The following PALD1 variants were observed in gnomAD, a reference collection of about 807,000 sequenced individuals.
PALD1 encodes paladin.
PALD1 carries 57 observed loss-of-function variants against 96.0 expected under a neutral mutation model. The ratio of observed to expected loss-of-function variants is 0.59; its 90% CI spans 0.48 to 0.74. The LOEUF (loss-of-function observed/expected upper bound fraction) is 0.74, where lower values mean the gene tolerates loss of function less well. Among genes scored for constraint, PALD1 ranks in the 30% least tolerant of loss-of-function variants. PALD1 has a pLI of 0.00. For synonymous variants in PALD1, 464 were observed against 473.6 expected (o/e 0.98, Z 0.26); for missense variants, 1,063 against 1,143.7 (o/e 0.93, Z 1.02).
chr10:70,514,102 A>G (rs531143054), intron 1 of PALD1, among the ~76,000 whole-genome samples: 2 of 152,332 alleles, frequency 1.3e-5, no homozygotes, highest in South Asian at 4.1e-4. Context: ...GCTGGCCTCC[A>G]TGTGCCACAG....
intron 10 of PALD1, 83 bp from the exon 11 acceptor site, chr10:70,537,728 C>A: frequency 2.2e-6 from 2 of 901,100 alleles, no homozygotes; most frequent in South Asian, 1.4e-5. Flanking sequence ...AGTTCCAAGG[C>A]TTAACTCCTG....
chr10:70,473,935 G>A (rs1845792310), upstream of PALD1, among the ~76,000 whole-genome samples: 1 of 152,122 alleles, frequency 6.6e-6, no homozygotes, highest in Non-Finnish European at 1.5e-5. Context: ...TTACAGGTGT[G>A]AGCCACAGTA....
intron 10 of PALD1, 45 bp downstream of exon 10, chr10:70,534,888 CCT>C (rs1378932875): frequency 2.4e-6 from 3 of 1,273,192 alleles, no homozygotes; most frequent in African/African-American, 2.9e-5. Context: ...CTCTGTGAGC[CCT>C]GCAGCCTGAT....
intron 1 of PALD1, among the ~76,000 whole-genome samples, chr10:70,482,514 G>A (rs10999348): frequency 0.06 from 9,115 of 152,198 alleles, 980 homozygotes; most frequent in East Asian, 0.5. Context: ...TTTGTCTTCC[G>A]AGGCCTTTGG....
intron 17 of PALD1, among the ~76,000 whole-genome samples, chr10:70,546,378 G>A (rs1025796501): frequency 4.6e-5 from 7 of 152,184 alleles, no homozygotes; most frequent in African/African-American, 1.7e-4. Context: ...CATTTAATAT[G>A]TCTTGAACAT....
chr10:70,463,232 A>G, the PALD1 span, among the ~76,000 whole-genome samples: 84 of 152,236 alleles, frequency 5.5e-4, no homozygotes, highest in South Asian at 0.01. Flanking sequence ...GTGAAAACCC[A>G]TCTCTACTAA....
chr10:70,552,725 C>G (rs1306723690), intron 18 of PALD1, among the ~76,000 whole-genome samples: 1 of 152,206 alleles, frequency 6.6e-6, no homozygotes, highest in Non-Finnish European at 1.5e-5. Context: ...ATGATTGCCT[C>G]TTAAACAATG....
chr10:70,480,090 T>A (rs1263917580), intron 1 of PALD1, among the ~76,000 whole-genome samples: 1 of 152,226 alleles, frequency 6.6e-6, no homozygotes, highest in African/African-American at 2.4e-5. Flanking sequence ...GCAAATGTGC[T>A]GAAATGTTCC....
At chr10:70,506,708 T>G (rs1484264934) in intron 1 of PALD1, among the ~76,000 whole-genome samples, 1 of 152,144 alleles carries the variant, frequency 6.6e-6, no homozygotes, top group African/African-American at 2.4e-5. Context: ...TGCCCCATTT[T>G]ACTTGCCCCT....
the PALD1 span, among the ~76,000 whole-genome samples, chr10:70,463,609 C>T: frequency 6.6e-6 from 1 of 152,074 alleles, no homozygotes; most frequent in African/African-American, 2.4e-5. Context: ...CAGATGGATA[C>T]ATTCCTGCTG....
intron 1 of PALD1, among the ~76,000 whole-genome samples, chr10:70,501,355 C>T (rs1323941848): frequency 6.6e-6 from 1 of 152,206 alleles, no homozygotes; most frequent in African/African-American, 2.4e-5. Context: ...GTGTAAGAAC[C>T]ATCCTGAGAA....
upstream of PALD1, among the ~76,000 whole-genome samples, chr10:70,476,971 G>A (rs1589164489): frequency 6.6e-6 from 1 of 152,086 alleles, no homozygotes; most frequent in Non-Finnish European, 1.5e-5. Flanking sequence ...ATCCCTATAG[G>A]TATGCATGTT....
chr10:70,469,095 C>G, the PALD1 span, among the ~76,000 whole-genome samples: 3 of 152,156 alleles, frequency 2.0e-5, no homozygotes, highest in Non-Finnish European at 2.9e-5. Context: ...TTAAGAGGAG[C>G]TGGCATCGCT....
intron 1 of PALD1, among the ~76,000 whole-genome samples, chr10:70,513,704 A>G (rs1302785657): frequency 2.6e-5 from 4 of 152,190 alleles, no homozygotes; most frequent in Non-Finnish European, 4.4e-5. Context: ...ATGTTAACTT[A>G]TTTATCCAGC....
chr10:70,524,296 C>T (rs531965839), intron 1 of PALD1, among the ~76,000 whole-genome samples: 3 of 152,290 alleles, frequency 2.0e-5, no homozygotes, highest in African/African-American at 7.2e-5. Flanking sequence ...CCAGTGGCCA[C>T]GGAGCTCCCA....
At chr10:70,526,381 A>G (rs1846868341) in intron 2 of PALD1, among the ~76,000 whole-genome samples, 1 of 147,236 alleles carries the variant, frequency 6.8e-6, no homozygotes, top group South Asian at 2.1e-4. Flanking sequence ...GTGTGGGGGA[A>G]TGCGGAGGAG....
Position 70,532,737 on chromosome 10 carries a change from G to A in PALD1, c.750G>A (p.Thr250=), listed in dbSNP as rs373712496. 19 of 1,614,076 alleles carry A rather than the reference G, an allele frequency of 1.2e-5. No homozygotes were observed. The African/African-American group carries it at 1.6e-4, about 14-fold the overall frequency. The change falls in exon 6 of 20, where the codon ACG becomes ACA. Residue 250 remains threonine (T), a synonymous_variant. Coordinates refer to ENST00000263563, the MANE Select transcript of PALD1 (RefSeq NM_014431.3). ...AIHGEDDLHV[T]EEVYKRPLFL... ...ATGGTGAGGACGACTTGCATGTGAC[G>A]GAGGAGGTGTACAAGCGGCCCCTCT...
chr10:70,514,727 G>C (rs1385824699), intron 1 of PALD1, among the ~76,000 whole-genome samples: 1 of 152,194 alleles, frequency 6.6e-6, no homozygotes, highest in Non-Finnish European at 1.5e-5. Context: ...GACTGTACAA[G>C]TGGAATTATT....
intron 1 of PALD1, among the ~76,000 whole-genome samples, chr10:70,496,094 A>C (rs1050778579): frequency 6.6e-6 from 1 of 152,122 alleles, no homozygotes; most frequent in African/African-American, 2.4e-5. Flanking sequence ...AAAAAGGGGA[A>C]GAAATATCCC....
Sources: gnomAD v4.1 joint callset for allele counts (sites outside exome capture counted in the v4.1 genomes callset) on GRCh38, gnomAD v4.1.1 for gene constraint, MANE v1.5 for transcripts, NCBI Gene and HGNC (gene_info 2026-07-23, HGNC 2026-07-21) for gene names.